Variants in NRXN3 observed in about 807,000 individuals in gnomAD.
NRXN3 encodes the protein neurexin III.
A neutral mutation model predicts 137.6 loss-of-function variants in NRXN3; 32 were observed. The ratio of observed to expected loss-of-function variants is 0.23; its 90% CI spans 0.18 to 0.31. The LOEUF is 0.31. NRXN3 is among the 10% of genes least tolerant of loss of function. The pLI is 1.00. For synonymous variants in NRXN3, 798 were observed against 784.5 expected (o/e 1.02, Z -0.29); for missense variants, 1,574 against 2,062.5 (o/e 0.76, Z 4.59).
At chr14:79,191,918 G>T (rs1314323774) in intron 15 of NRXN3, among the ~76,000 whole-genome samples, 2 of 151,934 alleles carry the variant, frequency 1.3e-5, no homozygotes. Flanking sequence ...TCAAATAGAG[G>T]TGGTCAGGAA....
chr14:78,675,371 C>G (rs777340462), intron 6 of NRXN3, among the ~76,000 whole-genome samples: 27 of 152,144 alleles, frequency 1.8e-4, no homozygotes, highest in Non-Finnish European at 3.2e-4. Flanking sequence ...TGTAAGATGT[C>G]TCTTCTGAGA....
At chr14:78,818,686 T>C (rs1030818067) in intron 10 of NRXN3, among the ~76,000 whole-genome samples, 1 of 152,210 alleles carries the variant, frequency 6.6e-6, no homozygotes, top group Non-Finnish European at 1.5e-5. Context: ...TTGTTCTTCC[T>C]CATTCACTTA....
intron 5 of NRXN3, 144 bp downstream of exon 5, chr14:78,645,565 T>C: frequency 1.6e-6 from 1 of 614,266 alleles, no homozygotes; most frequent in Non-Finnish European, 2.6e-6. Flanking sequence ...TCCCAGTCTT[T>C]GCAATTTCAC....
intron 6 of NRXN3, among the ~76,000 whole-genome samples, chr14:78,703,240 T>C (rs1324650623): frequency 6.6e-6 from 1 of 152,054 alleles, no homozygotes; most frequent in African/African-American, 2.4e-5. Context: ...GATAACAAAG[T>C]TGAGAGAGTT....
At chr14:79,115,267 G>A (rs2054226615) in intron 15 of NRXN3, among the ~76,000 whole-genome samples, 5 of 149,024 alleles carry the variant, frequency 3.4e-5, no homozygotes. Flanking sequence ...GGAGGCTGCG[G>A]TCAGCCGAGA....
intron 19 of NRXN3, among the ~76,000 whole-genome samples, chr14:79,707,812 G>A (rs1406635490): frequency 6.6e-6 from 1 of 151,976 alleles, no homozygotes; most frequent in African/African-American, 2.4e-5. Flanking sequence ...TTAAATGTAG[G>A]AAACAATGAA....
intron 10 of NRXN3, among the ~76,000 whole-genome samples, chr14:78,951,526 T>A (rs1241453767): frequency 6.6e-6 from 1 of 152,114 alleles, no homozygotes; most frequent in African/African-American, 2.4e-5. Context: ...CAGTCCTCAC[T>A]CCCTACCCCC....
intron 15 of NRXN3, among the ~76,000 whole-genome samples, chr14:79,456,579 T>G (rs1401646466): frequency 1.3e-5 from 2 of 152,010 alleles, no homozygotes; most frequent in Admixed American, 1.3e-4. Flanking sequence ...ATACAAAAAT[T>G]ATCCGAGCAT....
intron 19 of NRXN3, among the ~76,000 whole-genome samples, chr14:79,738,820 A>G (rs1174373181): frequency 6.6e-6 from 1 of 152,118 alleles, no homozygotes; most frequent in African/African-American, 2.4e-5. Context: ...CGGCCTCCCC[A>G]AGTGCTGGGA....
chr14:79,164,039 T>C (rs532433492), intron 15 of NRXN3, among the ~76,000 whole-genome samples: 1 of 152,086 alleles, frequency 6.6e-6, no homozygotes, highest in South Asian at 2.1e-4. Context: ...TTGAACATCT[T>C]ACTCTGACCT....
chr14:78,989,468 A>G (rs182880484), intron 15 of NRXN3, among the ~76,000 whole-genome samples: 117 of 152,308 alleles, frequency 7.7e-4, no homozygotes, highest in African/African-American at 2.6e-3. Context: ...TGTAATACGC[A>G]TTCATCTAAT....
At chr14:79,497,917 C>G (rs1374879246) in intron 16 of NRXN3, among the ~76,000 whole-genome samples, 1 of 151,962 alleles carries the variant, frequency 6.6e-6, no homozygotes, top group Non-Finnish European at 1.5e-5. Context: ...CCCTGTAGTC[C>G]CAGCTACTTG....
intron 16 of NRXN3, among the ~76,000 whole-genome samples, chr14:79,470,221 G>A (rs2096482671): frequency 6.6e-6 from 1 of 152,174 alleles, no homozygotes; most frequent in Non-Finnish European, 1.5e-5. Flanking sequence ...GAAGACACAA[G>A]GGGGAGATGA....
At chr14:78,840,961 A>T (rs1229184093) in intron 10 of NRXN3, among the ~76,000 whole-genome samples, 2 of 152,200 alleles carry the variant, frequency 1.3e-5, no homozygotes, top group African/African-American at 4.8e-5. Flanking sequence ...TTTAATCTTT[A>T]CTGACTTATG....
chr14:78,726,276 G>A (rs2098482982), intron 8 of NRXN3, among the ~76,000 whole-genome samples: 1 of 151,936 alleles, frequency 6.6e-6, no homozygotes, highest in Admixed American at 6.6e-5. Flanking sequence ...GTGCCATGGT[G>A]GTTTGCTGCA....
chr14:79,364,398 T>A (rs1278032284), intron 15 of NRXN3, among the ~76,000 whole-genome samples: 1 of 152,214 alleles, frequency 6.6e-6, no homozygotes, highest in Non-Finnish European at 1.5e-5. Context: ...TATTTTTTCT[T>A]CATTCACTTC....
At chr14:78,511,685 T>A (rs1465568450) in intron 4 of NRXN3, among the ~76,000 whole-genome samples, 1 of 152,198 alleles carries the variant, frequency 6.6e-6, no homozygotes, top group East Asian at 1.9e-4. Flanking sequence ...TTAGTCATGG[T>A]GAAACAAGAG....
intron 15 of NRXN3, among the ~76,000 whole-genome samples, chr14:79,362,491 A>C (rs2093720605): frequency 2.0e-5 from 3 of 152,198 alleles, no homozygotes. Context: ...AAATAAATAT[A>C]TATTAACCTA....
intron 15 of NRXN3, among the ~76,000 whole-genome samples, chr14:79,423,240 T>C (rs2095607251): frequency 6.6e-6 from 1 of 152,112 alleles, no homozygotes; most frequent in Non-Finnish European, 1.5e-5. Context: ...GGTTGGCATA[T>C]GGGGGTTTTA....
Sources: gnomAD v4.1 joint callset for allele counts (sites outside exome capture counted in the v4.1 genomes callset) on GRCh38, gnomAD v4.1.1 for gene constraint, MANE v1.5 for transcripts, NCBI Gene and HGNC (gene_info 2026-07-23, HGNC 2026-07-21) for gene names.